Variants in LILRB3 observed in about 807,000 individuals in gnomAD.
LILRB3 encodes the protein leukocyte immunoglobulin-like receptor subfamily B member 3.
A neutral mutation model predicts 68.2 loss-of-function variants in LILRB3; 32 were observed. That is an observed-to-expected ratio of 0.47 (90% CI 0.35 to 0.63). The LOEUF is 0.63. Ranked by LOEUF, LILRB3 falls within the 30% of genes least tolerant of loss-of-function variation. LILRB3 has a pLI of 0.00. For synonymous variants in LILRB3, 185 were observed against 323.1 expected, an observed-to-expected ratio of 0.57 and a Z score of 4.58; for missense variants, 502 against 791.3, an observed-to-expected ratio of 0.63 and a Z score of 4.39.
intron 10 of LILRB3, 33 bp downstream of exon 10, chr19:54,218,612 A>G (rs748428440): frequency 5.0e-6 from 8 of 1,614,082 alleles, no homozygotes; most frequent in Middle Eastern, 1.7e-4. Flanking sequence ...CTGTCTCTCC[A>G]GCACCCCCAT....
At chr19:54,218,726 G>A (rs3852892) in intron 9 of LILRB3, 37 bp downstream of exon 9, 197,447 of 1,613,860 alleles carry the variant, frequency 0.12, 14,280 homozygotes, top group African/African-American at 0.31. Flanking sequence ...TATGGGCTGT[G>A]GTGGGTGGGA....
In LILRB3 at chr19:54,218,566, C is replaced by T; in HGVS notation, c.1540+79G>A. ...CTTCCACGGAGCCCCAGACCCTTCC[C>T]AGCCCCTCCCTGTTGCTACTGAAAT... is the stretch of plus-strand genomic sequence containing the variant. On this transcript the variant is annotated intron_variant, in intron 10 of 12. Transcript: ENST00000445347. 4 of 1,609,456 alleles carry T rather than the reference C, an allele frequency of 2.5e-6. No homozygotes were observed. In the South Asian group the frequency reaches 3.3e-5, roughly 13 times the overall value.
At chr19:54,221,868 C>T in exon 4 of LILRB3, 2 of 1,532,466 alleles carry the variant, frequency 1.3e-6, no homozygotes, top group Non-Finnish European at 1.8e-6. Flanking sequence ...GGTGGGACCA[C>T]ACCCAGGGGG....
At chr19:54,221,632 G>A (rs1168017479) in intron 4 of LILRB3, 196 bp downstream of exon 4, 16 of 1,566,896 alleles carry the variant, frequency 1.0e-5, no homozygotes, top group Admixed American at 2.0e-5. Flanking sequence ...GCCTTCCTGA[G>A]TCCTCCCCTT....
intron 7 of LILRB3, 141 bp from the exon 8 acceptor site, chr19:54,219,386 C>T (rs2077843537): frequency 2.1e-6 from 3 of 1,457,650 alleles, no homozygotes; most frequent in East Asian, 2.5e-5. Flanking sequence ...CCGTACAACC[C>T]ATTTCACAGA....
exon 8 of LILRB3, chr19:54,219,185 A>G (rs773480255): frequency 1.2e-6 from 2 of 1,607,698 alleles, no homozygotes; most frequent in South Asian, 1.1e-5. Flanking sequence ...GAGGAGGAGG[A>G]AGAGCAGCAG....
rs200396672 is a variant in LILRB3 at position 54,218,646 on chromosome 19, G to A, written c.1539C>T (p.Leu513=). The change falls in exon 10 of 13, where the codon CTC becomes CTT. Residue 513 remains leucine (L), a splice_region_variant and synonymous_variant. Transcript: ENST00000445347. ...ATTTGTCCCCTCTCTTCCTCTTACA[G>A]AGGTTTTCTTCCTGGACGTCAGCAG... 1.3e-5 allele frequency: 21 copies of A among 1,614,170 alleles called. No individual in the cohort carries two copies. The African/African-American group carries it at 2.4e-4, about 18-fold the overall frequency.
chr19:54,219,330 G>C (rs1406153951), intron 7 of LILRB3, 85 bp from the exon 8 acceptor site: 3 of 1,489,874 alleles, frequency 2.0e-6, no homozygotes, highest in Admixed American at 2.1e-5. Flanking sequence ...TCTTTCCTTC[G>C]TGACCTCCAA....
chr19:54,217,771 A>G, intron 11 of LILRB3: 1 of 596,920 alleles, frequency 1.7e-6, no homozygotes, highest in Non-Finnish European at 3.0e-6. Flanking sequence ...CCATCAGAGG[A>G]TCATGTGCCC....
At chr19:54,221,937 C>A in exon 4 of LILRB3, 2 of 1,598,874 alleles carry the variant, frequency 1.3e-6, no homozygotes, top group Non-Finnish European at 1.7e-6. Context: ...TCACGGGGCC[C>A]ACAGGGAACA....
At chr19:54,219,371 G>T in intron 7 of LILRB3, 126 bp from the exon 8 acceptor site, 1 of 1,456,210 alleles carries the variant, frequency 6.9e-7, no homozygotes, top group Non-Finnish European at 9.4e-7. Flanking sequence ...ACATGGAATT[G>T]CCACCCGTAC....
chr19:54,220,538 G>C, exon 6 of LILRB3: 1 of 1,358,780 alleles, frequency 7.4e-7, no homozygotes, highest in Non-Finnish European at 1.0e-6. Context: ...CTGAGACCAT[G>C]AGTTCCAGGG....
exon 6 of LILRB3, chr19:54,220,531 A>C: frequency 2.2e-6 from 3 of 1,357,038 alleles, no homozygotes; most frequent in Non-Finnish European, 3.0e-6. Context: ...CCCTCACCTG[A>C]GACCATGAGT....
At chr19:54,216,875 C>A (rs369167231) in exon 13 of LILRB3, 33 of 1,429,162 alleles carry the variant, frequency 2.3e-5, no homozygotes, top group East Asian at 1.0e-4. Context: ...GTTATTAACT[C>A]ATTGATTGTT....
At chr19:54,221,780 C>G in intron 4 of LILRB3, 48 bp downstream of exon 4, 1 of 1,599,246 alleles carries the variant, frequency 6.3e-7, no homozygotes, top group Non-Finnish European at 8.5e-7. Context: ...TCCCCACAAC[C>G]TGTCAGCTGC....
intron 11 of LILRB3, 88 bp downstream of exon 11, chr19:54,218,273 G>C (rs948172402): frequency 1.9e-5 from 30 of 1,554,378 alleles, no homozygotes; most frequent in Admixed American, 1.3e-4. Flanking sequence ...ACGATGCTGA[G>C]AGCCGGGGGA....
intron 11 of LILRB3, among the ~76,000 whole-genome samples, chr19:54,217,964 C>T (rs1056557768): frequency 1.3e-5 from 2 of 148,972 alleles, no homozygotes; most frequent in Admixed American, 6.6e-5. Flanking sequence ...GCTCAGGAGG[C>T]GGGGGCGGCT....
At chr19:54,218,275 G>A (rs2077690363) in intron 11 of LILRB3, 86 bp downstream of exon 11, 7 of 1,557,102 alleles carry the variant, frequency 4.5e-6, no homozygotes, top group Middle Eastern at 2.2e-4. Flanking sequence ...GATGCTGAGA[G>A]CCGGGGGAAG....
Position 54,218,830 on chromosome 19 carries a change from TTCTCTGGTCTGGGTGAAGATGGACAGAG to T in LILRB3, c.1427-20_1434del, listed in dbSNP as rs776865632. Reference sequence around the variant, plus strand: ...CCTGCAGGACGCTGGAAATCAGTCTTTCTCTGGTCTGGGTGAAGATGGACAGAGTCTCAGCCCTGGGAACATTAGAACT... The same window carrying T: ...CCTGCAGGACGCTGGAAATCAGTCTTTCTCAGCCCTGGGAACATTAGAACT... On this transcript the variant is annotated splice_acceptor_variant and splice_polypyrimidine_tract_variant and coding_sequence_variant and intron_variant, in exon 9 of 13. Coordinates refer to ENST00000445347, the Ensembl canonical transcript of LILRB3. LOFTEE classifies it high-confidence loss of function. The T allele has an allele frequency of 5.1e-5, 82 of 1,613,984 alleles. No individual in the cohort carries two copies. The highest frequency in any genetic ancestry group is 1.2e-4 in the Admixed American group (7 of 59,982).
Sources: allele counts gnomAD v4.1 joint callset (sites outside exome capture counted in the v4.1 genomes callset), GRCh38; gene constraint gnomAD v4.1.1; transcripts MANE v1.5; gene names NCBI Gene and HGNC (gene_info 2026-07-23, HGNC 2026-07-21).